HEXB: variants seen among roughly 807,000 people sequenced by gnomAD.
HEXB encodes the protein hexosaminidase subunit beta, also known as beta-hexosaminidase subunit beta.
Under a neutral mutation model 71.2 loss-of-function variants are expected in HEXB, and 51 were observed. The ratio of observed to expected loss-of-function variants is 0.72; its 90% CI spans 0.57 to 0.90. The LOEUF is 0.90. Ranked by LOEUF, HEXB falls within the 40% of genes least tolerant of loss-of-function variation. The pLI is 0.00. For missense variants in HEXB, 617 were observed against 677.0 expected, an observed-to-expected ratio of 0.91 and a Z score of 0.98; for synonymous variants, 266 against 249.3, an observed-to-expected ratio of 1.07 and a Z score of -0.63.
chr5:74,678,349 A>G (rs112771415), intron 1 of HEXB, among the ~76,000 whole-genome samples: 4,127 of 151,866 alleles, frequency 0.027, 78 homozygotes, highest in African/African-American at 0.046. Context: ...ATACCATGCA[A>G]TATTGACTGC....
At chr5:74,664,638 A>G (rs1277446661) in intron 1 of HEXB, among the ~76,000 whole-genome samples, 2 of 152,154 alleles carry the variant, frequency 1.3e-5, no homozygotes, top group African/African-American at 4.8e-5. Context: ...TCAAGCTGGG[A>G]AAGCTTAAAA....
In HEXB at chr5:74,691,857, C is replaced by A. The variant is rs548369550; in HGVS notation, c.446-1782C>A. 1.6e-3 allele frequency among the ~76,000 whole-genome samples: 248 copies of A among 152,272 alleles called. 5 individuals are homozygous for A. Among genetic ancestry groups the A allele is most frequent in the Non-Finnish European group, 5.4e-4 (37 of 68,008 alleles). On this transcript the variant is annotated intron_variant, in intron 2 of 13. Transcript: ENST00000261416. ...TGCAAAAAGATACAGAATGGGCTAA[C>A]TGAAAAGTCAATGATATAATTCCTT...
rs917521300 is a variant in HEXB, at chr5:74,652,815, T to C, written c.-377+12257T>C. Among the ~76,000 whole-genome samples, 1 of 152,090 alleles carries C rather than the reference T, an allele frequency of 6.6e-6. No individual in the cohort carries two copies. On this transcript the variant is annotated intron_variant, in intron 1 of 13. Coordinates refer to the HEXB transcript ENST00000511181. This position sits in a 1 kb window ranked among gnomAD's most constrained non-coding sequence, Gnocchi z 5.4. ...CCAATAAGGTGGCTACTCAGTCTTG[T>C]CTCACTGCAGTCCCAGGCCCATCCC...
At chr5:74,660,624 A>G (rs1580363774) in intron 1 of HEXB, among the ~76,000 whole-genome samples, 1 of 152,222 alleles carries the variant, frequency 6.6e-6, no homozygotes, top group East Asian at 1.9e-4. Flanking sequence ...AAGAATTAGA[A>G]CTTGTTTGCC....
chr5:74,713,696 T>A, intron 7 of HEXB, 61 bp downstream of exon 7: 1 of 1,405,374 alleles, frequency 7.1e-7, no homozygotes, highest in Non-Finnish European at 1.0e-6. Flanking sequence ...TGGAGTCTTG[T>A]TCTGTCACCC....
intron 6 of HEXB, among the ~76,000 whole-genome samples, chr5:74,710,363 T>C (rs1749510860): frequency 6.6e-6 from 1 of 152,170 alleles, no homozygotes; most frequent in African/African-American, 2.4e-5. Context: ...AAGCATTCCC[T>C]TTGAAACCTG....
chr5:74,720,513 A>G lies in HEXB; in HGVS notation c.1503A>G (p.Arg501=). The G allele has an allele frequency of 6.2e-7, 1 of 1,610,430 alleles. No individual in the cohort carries two copies. The highest frequency in any genetic ancestry group is 2.2e-5 in the East Asian group (1 of 44,864). Residue 501 remains arginine, a synonymous_variant, in exon 12 of 14, where the codon AGA becomes AGG. Transcript: ENST00000261416. ...TGGATGCAACTAACCTCACTCCAAG[A>G]TTATGGTATGGGATTTACCTGATAA... The part of the protein sequence containing the change: ...EYVDATNLTP[R]LWPRASAVGE...
At chr5:74,645,417 A>C (rs944848882) in intron 1 of HEXB, among the ~76,000 whole-genome samples, 2 of 152,220 alleles carry the variant, frequency 1.3e-5, no homozygotes, top group Non-Finnish European at 2.9e-5. Context: ...CTACTGCTAC[A>C]TATAAATACA....
intron 1 of HEXB, among the ~76,000 whole-genome samples, chr5:74,642,341 G>A (rs1283938641): frequency 6.6e-6 from 1 of 152,074 alleles, no homozygotes; most frequent in Non-Finnish European, 1.5e-5. Flanking sequence ...CAAGAACCAC[G>A]TATGGAGAGC....
rs957528053 is a variant in HEXB at position 74,715,756 on chromosome 5, C to T, written c.1082+66C>T. On this transcript the variant is annotated intron_variant, in intron 8 of 13. Coordinates refer to ENST00000261416, the MANE Select transcript of HEXB (RefSeq NM_000521.4). Reference sequence around the variant, plus strand: ...GAGAGGCTGGGTGCGGTGGCTCACGCCTATAATCCCAGCACTTTGGGAGGC... The same window carrying T: ...GAGAGGCTGGGTGCGGTGGCTCACGTCTATAATCCCAGCACTTTGGGAGGC... The T allele has an allele frequency of 2.6e-6, 3 of 1,149,174 alleles. No individual in the cohort carries two copies. The African/African-American group carries it at 4.6e-5, about 18-fold the overall frequency. The allele number at this position is 1,149,174 out of a possible 1,614,324, so 71.2% of individuals were successfully genotyped here. A position where few individuals can be genotyped will look rare whatever the true frequency, so the allele number is the denominator to read the frequency against.
At chr5:74,686,276 A>G (rs1748869804) in intron 1 of HEXB, among the ~76,000 whole-genome samples, 1 of 152,076 alleles carries the variant, frequency 6.6e-6, no homozygotes, top group African/African-American at 2.4e-5. Flanking sequence ...TTGTCATGGG[A>G]GTCAGCCAAT....
At chr5:74,644,128 C>T (rs1376219734) in intron 1 of HEXB, among the ~76,000 whole-genome samples, 1 of 152,228 alleles carries the variant, frequency 6.6e-6, no homozygotes, top group Non-Finnish European at 1.5e-5. Context: ...TTGCGATCAA[C>T]ATCCCTGAAG....
chr5:74,715,787 C>G, intron 8 of HEXB, 97 bp downstream of exon 8: 1 of 839,486 alleles, frequency 1.2e-6, no homozygotes, highest in Non-Finnish European at 2.0e-6. Context: ...GAGGCAGAGG[C>G]AGGCAGATCA....
chr5:74,716,654 G>A lies in HEXB; in HGVS notation c.1150G>A (p.Glu384Lys), dbSNP rs1749679292. 6.2e-7 allele frequency: 1 copy of A among 1,603,184 alleles called. No homozygotes were observed. Among genetic ancestry groups the A allele is most frequent in the Non-Finnish European group, 8.5e-7 (1 of 1,172,566 alleles). Residue 384 changes from glutamate (E) to lysine (K), a missense_variant, in exon 9 of 14, where the codon GAA (glutamate) becomes AAA (lysine). Physicochemically the swap from Glu to Lys is moderately conservative, Grantham distance 56 (BLOSUM62 1). Coordinates refer to ENST00000261416, the MANE Select transcript of HEXB (RefSeq NM_000521.4). ...CTTTGGCACAGATTTTAAGAAACTAGAATCTTTCTACATTCAAAAGTAAGT... is the reference window on the plus strand; with the variant it reads ...CTTTGGCACAGATTTTAAGAAACTAAAATCTTTCTACATTCAAAAGTAAGT... ...KGFGTDFKKL[E>K]SFYIQKVLDI...
intron 1 of HEXB, among the ~76,000 whole-genome samples, chr5:74,663,191 T>TG (rs58551007): frequency 0.12 from 16,009 of 131,634 alleles, 2,411 homozygotes; most frequent in African/African-American, 0.36. Context: ...TCCTTTTTTT[T>TG]GGGGGGGTGG....
intron 6 of HEXB, among the ~76,000 whole-genome samples, chr5:74,709,809 C>T (rs1307136831): frequency 2.0e-5 from 3 of 152,064 alleles, no homozygotes; most frequent in African/African-American, 4.8e-5. Flanking sequence ...AGCTTATCAA[C>T]CAAAGAGTCC....
intron 6 of HEXB, among the ~76,000 whole-genome samples, chr5:74,711,101 A>G (rs1212313859): frequency 1.3e-5 from 2 of 151,164 alleles, no homozygotes; most frequent in African/African-American, 2.4e-5. Flanking sequence ...AGATCAATGG[A>G]ACAGAACAGA....
At chr5:74,688,228 T>G (rs1299958210) in intron 1 of HEXB, among the ~76,000 whole-genome samples, 2 of 127,862 alleles carry the variant, frequency 1.6e-5, no homozygotes, top group Non-Finnish European at 3.4e-5. Flanking sequence ...AAAAGGTACT[T>G]TTTTTGTATT....
upstream of HEXB, among the ~76,000 whole-genome samples, chr5:74,683,327 A>G (rs563620012): frequency 3.1e-4 from 47 of 151,978 alleles, 1 homozygote; most frequent in South Asian, 5.6e-3. Flanking sequence ...TTTCTGAGAC[A>G]GAGTCTTACT....
Sources: allele counts gnomAD v4.1 joint callset (sites outside exome capture counted in the v4.1 genomes callset), GRCh38; gene constraint gnomAD v4.1.1; non-coding constraint Gnocchi (gnomAD v3.1); transcripts MANE v1.5; gene names NCBI Gene and HGNC (gene_info 2026-07-23, HGNC 2026-07-21).